Variants in PRKN observed in about 807,000 individuals in gnomAD.
The protein encoded by PRKN is parkin RBR E3 ubiquitin protein ligase, also known as E3 ubiquitin-protein ligase parkin.
Under a neutral mutation model 59.5 loss-of-function variants are expected in PRKN, and 56 were observed. That is an observed-to-expected ratio of 0.94 (90% confidence interval 0.76 to 1.18). The LOEUF (loss-of-function observed/expected upper bound fraction) is 1.18, where lower values mean the gene tolerates loss of function less well. Ranked by LOEUF, PRKN falls within the 50% of genes most tolerant of loss-of-function variation. The probability of loss-of-function intolerance (pLI) is 0.00; values close to 1 mark genes in which losing one functional copy is unlikely to be tolerated. For missense variants in PRKN, 657 were observed against 596.4 expected, an observed-to-expected ratio of 1.10 and a Z score of -1.06; for synonymous variants, 250 against 222.1, an observed-to-expected ratio of 1.13 and a Z score of -1.12.
At chr6:161,870,528 G>C (rs973895274) in intron 6 of PRKN, among the ~76,000 whole-genome samples, 1 of 151,964 alleles carries the variant, frequency 6.6e-6, no homozygotes, top group Admixed American at 6.6e-5. Context: ...GTTTCCTTTT[G>C]TTGGCATGAG....
chr6:161,638,470 A>T (rs1016635372), intron 7 of PRKN, among the ~76,000 whole-genome samples: 12 of 152,168 alleles, frequency 7.9e-5, no homozygotes, highest in Admixed American at 3.3e-4. Flanking sequence ...TTGTCCATCT[A>T]TGAAGGCATT....
chr6:162,466,984 C>A (rs565409581), intron 1 of PRKN, among the ~76,000 whole-genome samples: 3 of 151,934 alleles, frequency 2.0e-5, no homozygotes, highest in Admixed American at 6.6e-5. Flanking sequence ...AAAAATAGGT[C>A]GAAAAAATTA....
chr6:162,642,388 C>A (rs999170101), intron 1 of PRKN, among the ~76,000 whole-genome samples: 4 of 152,176 alleles, frequency 2.6e-5, no homozygotes, highest in Admixed American at 2.6e-4. Flanking sequence ...AGAAATTATT[C>A]AGGGATCTAA....
chr6:162,586,832 T>A (rs1000669091), intron 1 of PRKN, among the ~76,000 whole-genome samples: 1 of 152,168 alleles, frequency 6.6e-6, no homozygotes, highest in Non-Finnish European at 1.5e-5. Context: ...AAGCTTGCAA[T>A]TAAGACACTT....
At chr6:161,865,416 C>T (rs926711505) in intron 6 of PRKN, among the ~76,000 whole-genome samples, 3 of 152,200 alleles carry the variant, frequency 2.0e-5, no homozygotes, top group African/African-American at 7.2e-5. Context: ...TCCTTGGAAG[C>T]TTTGAAGCCA....
At chr6:162,070,904 G>A (rs986197231) in intron 4 of PRKN, among the ~76,000 whole-genome samples, 3 of 151,954 alleles carry the variant, frequency 2.0e-5, no homozygotes, top group African/African-American at 4.8e-5. Context: ...CTTGGGCACC[G>A]CTGCCCTAGG....
intron 9 of PRKN, among the ~76,000 whole-genome samples, chr6:161,541,826 GAA>G (rs200159092): frequency 3.1e-5 from 4 of 129,214 alleles, no homozygotes; most frequent in African/African-American, 1.1e-4. Context: ...GTCTCAAAAA[GAA>G]AAAAAAAAAA....
At chr6:162,487,564 A>G (rs1015365587) in intron 1 of PRKN, among the ~76,000 whole-genome samples, 2 of 151,814 alleles carry the variant, frequency 1.3e-5, no homozygotes, top group African/African-American at 4.8e-5. Flanking sequence ...AAACGAGCAA[A>G]GAATTACATA....
At chr6:162,061,816 C>T (rs149324572) in intron 4 of PRKN, among the ~76,000 whole-genome samples, 5 of 152,280 alleles carry the variant, frequency 3.3e-5, no homozygotes, top group South Asian at 2.1e-4. Context: ...GGAGAATAAT[C>T]GCTTTTCTTG....
At chr6:162,498,398 T>C (rs1562332576) in intron 1 of PRKN, among the ~76,000 whole-genome samples, 3 of 111,450 alleles carry the variant, frequency 2.7e-5, no homozygotes, top group Non-Finnish European at 5.9e-5. Flanking sequence ...CTTTCCTTTT[T>C]TTTTTTTTTT....
intron 7 of PRKN, among the ~76,000 whole-genome samples, chr6:161,675,283 C>A (rs1049573443): frequency 1.3e-5 from 2 of 152,138 alleles, no homozygotes; most frequent in African/African-American, 4.8e-5. Flanking sequence ...CCCTGGGCTG[C>A]GGTAGTTGAA....
At chr6:161,980,447 CCA>C (rs1031133291) in intron 5 of PRKN, among the ~76,000 whole-genome samples, 13 of 152,050 alleles carry the variant, frequency 8.5e-5, no homozygotes, top group African/African-American at 3.1e-4. Context: ...AAAACAGGGC[CCA>C]CACCAGGTAG....
At chr6:162,066,369 T>C (rs1562492527) in intron 4 of PRKN, among the ~76,000 whole-genome samples, 1 of 152,218 alleles carries the variant, frequency 6.6e-6, no homozygotes, top group East Asian at 1.9e-4. Context: ...AGGAAACACA[T>C]ATTAGCTGTG....
At position 162,102,912 on chromosome 6, in the gene PRKN, G is replaced by A. The variant is rs1425566189; in HGVS notation, c.535-48738C>T. Among the ~76,000 whole-genome samples, 8 of 151,648 alleles carry A rather than the reference G, an allele frequency of 5.3e-5. 2 individuals are homozygous for A. The South Asian group carries it at 1.2e-3, about 24-fold the overall frequency. On this transcript the variant is annotated intron_variant, in intron 4 of 11. Coordinates refer to ENST00000366898, the MANE Select transcript of PRKN (RefSeq NM_004562.3). ...CAAAAAATTAGCCAGGCGTGGTGGC[G>A]GGCACCTGTAATCCCAGCTACTTGG...
intron 1 of PRKN, among the ~76,000 whole-genome samples, chr6:162,592,855 A>G (rs1013292630): frequency 7.4e-6 from 1 of 134,968 alleles, no homozygotes; most frequent in African/African-American, 2.6e-5. Context: ...TGTGGTGTAC[A>G]AGCTGTAAAA....
rs147814752 is a variant in PRKN, at chr6:161,503,232, G to A, written c.1083+45622C>T. Among the ~76,000 whole-genome samples the A allele has an allele frequency of 8.7e-4, 133 of 152,166 alleles. 1 individual carries two copies. Among genetic ancestry groups the A allele is most frequent in the African/African-American group, 2.9e-3 (122 of 41,528 alleles). ...AGATTGACTAAAAGGAGGGTAGAACGGGAGGGGGCTGCTGCTGTACCGTAG... is the reference window on the plus strand; with the variant it reads ...AGATTGACTAAAAGGAGGGTAGAACAGGAGGGGGCTGCTGCTGTACCGTAG... On this transcript the variant is annotated intron_variant, in intron 9 of 11. Coordinates refer to ENST00000366898, the MANE Select transcript of PRKN (RefSeq NM_004562.3). The surrounding 1 kb of genome is among the most constrained non-coding windows in gnomAD (Gnocchi z 5.1).
intron 1 of PRKN, among the ~76,000 whole-genome samples, chr6:162,477,303 T>G (rs149894370): frequency 6.6e-6 from 1 of 152,116 alleles, no homozygotes; most frequent in Non-Finnish European, 1.5e-5. Flanking sequence ...AAAGCAGGTA[T>G]AGGCCAGCTG....
chr6:162,248,311 A>G (rs1384592180), intron 3 of PRKN, among the ~76,000 whole-genome samples: 2 of 152,184 alleles, frequency 1.3e-5, no homozygotes, highest in Non-Finnish European at 2.9e-5. Flanking sequence ...AGAAACATTG[A>G]TCAAACTCTT....
chr6:162,090,097 A>G (rs1779414402), intron 4 of PRKN, among the ~76,000 whole-genome samples: 2 of 152,150 alleles, frequency 1.3e-5, no homozygotes, highest in Admixed American at 1.3e-4. Flanking sequence ...GGTATCTTAG[A>G]TTCCATAAGC....
Sources: allele counts gnomAD v4.1 joint callset (sites outside exome capture counted in the v4.1 genomes callset), GRCh38; gene constraint gnomAD v4.1.1; non-coding constraint Gnocchi (gnomAD v3.1); transcripts MANE v1.5; gene names NCBI Gene and HGNC (gene_info 2026-07-23, HGNC 2026-07-21).